The following SENP7 variants were observed in gnomAD, a reference collection of about 807,000 sequenced individuals.
SENP7 encodes the protein sentrin-specific protease 7.
In SENP7, 64 loss-of-function variants were observed where a neutral mutation model predicts 141.2. The observed-to-expected ratio is 0.45, with a 90% CI of 0.37 to 0.56. The LOEUF (loss-of-function observed/expected upper bound fraction) is 0.56. Ranked by LOEUF, SENP7 falls within the 20% of genes least tolerant of loss-of-function variation. The pLI, the probability that SENP7 is intolerant of heterozygous loss-of-function variation, is 0.00. For missense variants in SENP7, 1,025 were observed against 1,212.2 expected (o/e 0.85, Z 2.29); for synonymous variants, 382 against 426.4 (o/e 0.90, Z 1.28).
intron 3 of SENP7, among the ~76,000 whole-genome samples, chr3:101,475,797 A>G (rs558756059): frequency 1.3e-5 from 2 of 152,338 alleles, no homozygotes; most frequent in East Asian, 3.9e-4. Flanking sequence ...AAATTCAGCA[A>G]GAGAACATAA....
intron 11 of SENP7, among the ~76,000 whole-genome samples, chr3:101,356,940 C>T (rs897695750): frequency 2.0e-5 from 3 of 151,888 alleles, no homozygotes; most frequent in African/African-American, 4.8e-5. Context: ...ACTTTAAAGG[C>T]TTATATTTTC....
At chr3:101,348,172 T>A in intron 12 of SENP7, 121 bp from the exon 13 acceptor site, 1 of 613,042 alleles carries the variant, frequency 1.6e-6, no homozygotes. Context: ...TATATAGTTT[T>A]TTCAAAAATA....
Position 101,366,781 on chromosome 3 carries a change from C to A in SENP7, c.979-12G>T, listed in dbSNP as rs1327987993. ...TCTTCTTGTTTTTTCTAAACATAAACACATAGAAAAAAATAGCATTTTTCA... is the reference window on the plus strand; with the variant it reads ...TCTTCTTGTTTTTTCTAAACATAAAAACATAGAAAAAAATAGCATTTTTCA... On this transcript the variant is annotated splice_polypyrimidine_tract_variant and intron_variant, in intron 8 of 23. Transcript: ENST00000394095. 2 of 1,521,476 alleles carry A rather than the reference C, an allele frequency of 1.3e-6. No homozygotes were observed. The highest frequency in any genetic ancestry group is 2.2e-5 in the Admixed American group (1 of 46,260). The allele number at this position is 1,521,476 out of a possible 1,614,324, so 94.2% of individuals were successfully genotyped here.
chr3:101,394,856 A>C (rs540015496), intron 6 of SENP7, among the ~76,000 whole-genome samples: 1 of 152,212 alleles, frequency 6.6e-6, no homozygotes, highest in East Asian at 1.9e-4. Context: ...AGGTAAGATG[A>C]TATCTCATTG....
At chr3:101,347,630 G>A (rs1426143047) in intron 13 of SENP7, 4 of 207,558 alleles carry the variant, frequency 1.9e-5, no homozygotes, top group East Asian at 2.1e-4. Context: ...GCTGAGGCAG[G>A]AGAATGGCGT....
intron 3 of SENP7, among the ~76,000 whole-genome samples, chr3:101,469,242 G>T (rs1199215234): frequency 6.6e-6 from 1 of 152,008 alleles, no homozygotes; most frequent in Non-Finnish European, 1.5e-5. Context: ...GGAGCACCCA[G>T]ATTCATAAAG....
intron 3 of SENP7, among the ~76,000 whole-genome samples, chr3:101,473,889 C>T (rs191857359): frequency 6.6e-5 from 10 of 152,234 alleles, no homozygotes; most frequent in African/African-American, 2.4e-4. Context: ...GTCTTTAATC[C>T]ATCTCGAGCT....
At chr3:101,348,199 T>G in intron 12 of SENP7, 148 bp from the exon 13 acceptor site, 1 of 497,066 alleles carries the variant, frequency 2.0e-6, no homozygotes, top group Non-Finnish European at 3.3e-6. Context: ...CAGTGCACTT[T>G]GCTAACCTTA....
At chr3:101,423,152 T>C (rs1488727555) in intron 4 of SENP7, among the ~76,000 whole-genome samples, 1 of 152,024 alleles carries the variant, frequency 6.6e-6, no homozygotes, top group Non-Finnish European at 1.5e-5. Flanking sequence ...AATGCACAAA[T>C]GGCCAACATG....
chr3:101,385,738 A>G (rs141823745), intron 6 of SENP7, among the ~76,000 whole-genome samples: 1 of 152,308 alleles, frequency 6.6e-6, no homozygotes, highest in Non-Finnish European at 1.5e-5. Flanking sequence ...TAGAGAACCC[A>G]ACAGCAAACT....
chr3:101,360,825 T>C (rs1559716400), intron 11 of SENP7, among the ~76,000 whole-genome samples: 1 of 152,126 alleles, frequency 6.6e-6, no homozygotes, highest in Non-Finnish European at 1.5e-5. Context: ...AAAGGAGGGA[T>C]TAGGGAAAGT....
chr3:101,507,102 G>A (rs920111965), intron 1 of SENP7, among the ~76,000 whole-genome samples: 44 of 151,348 alleles, frequency 2.9e-4, no homozygotes, highest in African/African-American at 1.1e-3. Context: ...GAAGAATAAG[G>A]TTTAGACAGG....
chr3:101,340,971 C>A (rs191726353), intron 15 of SENP7, among the ~76,000 whole-genome samples: 1 of 152,140 alleles, frequency 6.6e-6, no homozygotes, highest in African/African-American at 2.4e-5. Flanking sequence ...GTACTTCTTG[C>A]GCCAGAAAGG....
At chr3:101,331,616 G>A (rs2059057219) in intron 19 of SENP7, among the ~76,000 whole-genome samples, 1 of 151,640 alleles carries the variant, frequency 6.6e-6, no homozygotes, top group Non-Finnish European at 1.5e-5. Flanking sequence ...GGTTACTTCT[G>A]GATTAAAGAA....
chr3:101,358,424 A>G (rs1201566468), intron 11 of SENP7: 3 of 411,280 alleles, frequency 7.3e-6, no homozygotes, highest in Admixed American at 2.9e-5. Flanking sequence ...GAGAAACCCT[A>G]TAAATGTGAT....
chr3:101,512,307 G>A (rs1289268737), intron 1 of SENP7, among the ~76,000 whole-genome samples: 1 of 152,194 alleles, frequency 6.6e-6, no homozygotes, highest in African/African-American at 2.4e-5. Context: ...CCTAATGGAT[G>A]AAATGTTTGA....
intron 4 of SENP7, among the ~76,000 whole-genome samples, chr3:101,425,219 A>G (rs1203420398): frequency 6.6e-6 from 1 of 152,198 alleles, no homozygotes; most frequent in Non-Finnish European, 1.5e-5. Flanking sequence ...CTGCCACTGC[A>G]CTACTGCACT....
Position 101,405,349 on chromosome 3 carries a change from G to A in SENP7, c.483-6294C>T, listed in dbSNP as rs760489467. On this transcript the variant is annotated intron_variant, in intron 5 of 23. Coordinates refer to ENST00000394095, the MANE Select transcript of SENP7 (RefSeq NM_020654.5). The stretch of plus-strand genomic sequence containing the variant: ...GAAAGATAACAATCACTACAGCTCC[G>A]CTCTCAGGAAGCCACATCCATAGGA... 1.2e-4 allele frequency among the ~76,000 whole-genome samples: 18 copies of A among 152,112 alleles called. No homozygotes were observed. In the South Asian group the frequency reaches 1.5e-3, roughly 12 times the overall value.
chr3:101,492,049 G>A (rs1265316309), intron 3 of SENP7, among the ~76,000 whole-genome samples: 4 of 151,744 alleles, frequency 2.6e-5, no homozygotes, highest in Non-Finnish European at 4.4e-5. Context: ...CCGAGATCGC[G>A]ACATTGCACT....
Sources: gnomAD v4.1 joint callset for allele counts (sites outside exome capture counted in the v4.1 genomes callset) on GRCh38, gnomAD v4.1.1 for gene constraint, MANE v1.5 for transcripts, NCBI Gene and HGNC (gene_info 2026-07-23, HGNC 2026-07-21) for gene names.